Variants in SCAMP4 observed in about 807,000 individuals in gnomAD.
SCAMP4 encodes the protein secretory carrier-associated membrane protein 4.
Under a neutral mutation model 32.1 loss-of-function variants are expected in SCAMP4, and 19 were observed. The ratio of observed to expected loss-of-function variants is 0.59; its 90% CI spans 0.41 to 0.87. SCAMP4 has a LOEUF of 0.87. Ranked by LOEUF, SCAMP4 falls within the 40% of genes least tolerant of loss-of-function variation. The pLI is 0.00. For synonymous variants in SCAMP4, 152 were observed against 132.7 expected (o/e 1.15, Z -1.00); for missense variants, 302 against 309.0 (o/e 0.98, Z 0.17).
At chr19:1,922,317 C>T (rs919271023) in intron 5 of SCAMP4, 43 of 944,254 alleles carry the variant, frequency 4.6e-5, no homozygotes, top group African/African-American at 1.2e-4. Context: ...TGGAGAGCAA[C>T]GGCACGATCT....
At chr19:1,918,710 C>T (rs1332473732) in intron 4 of SCAMP4, 179 bp from the exon 5 acceptor site, 27 of 966,190 alleles carry the variant, frequency 2.8e-5, no homozygotes, top group Non-Finnish European at 3.8e-5. Flanking sequence ...TGCAGTGAGC[C>T]GAGATCTCGA....
chr19:1,911,912 T>C (rs2013470597), intron 1 of SCAMP4: 3 of 1,138,782 alleles, frequency 2.6e-6, no homozygotes, highest in African/African-American at 1.6e-5. Flanking sequence ...CATGAGGGAG[T>C]GTAGCTCTGA....
At chr19:1,922,537 C>T in intron 5 of SCAMP4, 1 of 985,514 alleles carries the variant, frequency 1.0e-6, no homozygotes. Flanking sequence ...GCCCGGCCTC[C>T]TCATTGTTTC....
Position 1,912,351 on chromosome 19 carries a change from A to G in SCAMP4, c.-41-2628A>G, listed in dbSNP as rs764870597. ...GGTGCGGCCCAGCCGCGATGCCGGCAGCCCCCACGCCCTGGAGATGCTGCT... is the reference window on the plus strand; with the variant it reads ...GGTGCGGCCCAGCCGCGATGCCGGCGGCCCCCACGCCCTGGAGATGCTGCT... On this transcript the variant is annotated intron_variant, in intron 1 of 6. Transcript: ENST00000316097. 9.8e-6 allele frequency: 15 copies of G among 1,530,596 alleles called. No homozygotes were observed. In the East Asian group the frequency reaches 3.9e-4, roughly 39 times the overall value. The allele number at this position is 1,530,596 out of a possible 1,614,324, so 94.8% of individuals were successfully genotyped here.
intron 1 of SCAMP4, chr19:1,913,146 A>G (rs769886333): frequency 7.8e-6 from 12 of 1,546,490 alleles, no homozygotes; most frequent in African/African-American, 4.1e-5. Context: ...GGACCCCGAC[A>G]CGTAGGCGCC....
Position 1,908,534 on chromosome 19 carries a change from G to C in SCAMP4, c.-42+3095G>C, listed in dbSNP as rs1222153808. The C allele has an allele frequency of 4.2e-6, 2 of 471,184 alleles. No homozygotes were observed. Among genetic ancestry groups the C allele is most frequent in the Non-Finnish European group, 8.8e-6 (2 of 227,054 alleles). 29.2% of individuals were successfully genotyped at this position (471,184 alleles called of 1,614,324 possible). A position where few individuals can be genotyped will look rare whatever the true frequency, so the allele number is the denominator to read the frequency against. Reference sequence around the variant, plus strand: ...CGGGGATGTGTAGTCCAGGCTGGCAGTTCAGGATCACCCGGCTGGAGTCAT... The same window carrying C: ...CGGGGATGTGTAGTCCAGGCTGGCACTTCAGGATCACCCGGCTGGAGTCAT... On this transcript the variant is annotated intron_variant, in intron 1 of 6. Coordinates refer to ENST00000316097, the MANE Select transcript of SCAMP4 (RefSeq NM_079834.4). The surrounding 1 kb of genome is among the most constrained non-coding windows in gnomAD (Gnocchi z 4.2).
intron 5 of SCAMP4, chr19:1,922,299 C>G: frequency 1.0e-6 from 1 of 967,854 alleles, no homozygotes; most frequent in African/African-American, 1.8e-5. Flanking sequence ...TTGCTCTGTC[C>G]CCCAGGCTGG....
chr19:1,913,021 G>GTGC, intron 1 of SCAMP4: 4 of 1,605,696 alleles, frequency 2.5e-6, no homozygotes, highest in Non-Finnish European at 3.4e-6. Flanking sequence ...GTCTTCTACG[G>GTGC]TGCGCCCTCG....
intron 2 of SCAMP4, chr19:1,915,289 T>G (rs2013694100): frequency 1.7e-6 from 1 of 575,942 alleles, no homozygotes; most frequent in South Asian, 2.0e-5. Context: ...CCATCACAGC[T>G]GCTCTTTCCT....
At chr19:1,920,768 C>G in intron 5 of SCAMP4, 1 of 985,576 alleles carries the variant, frequency 1.0e-6, no homozygotes, top group Non-Finnish European at 1.2e-6. Flanking sequence ...GAGCCGCCTC[C>G]CCGGTGCGTC....
intron 5 of SCAMP4, 188 bp downstream of exon 5, chr19:1,919,178 C>T (rs2013837765): frequency 1.7e-5 from 24 of 1,423,796 alleles, no homozygotes; most frequent in Non-Finnish European, 2.0e-5. Context: ...CGCCAGCACC[C>T]AGCCATGGTT....
chr19:1,919,406 A>T lies in SCAMP4; in HGVS notation c.395+416A>T, dbSNP rs942372252. On this transcript the variant is annotated intron_variant, in intron 5 of 6. Coordinates refer to ENST00000316097, the MANE Select transcript of SCAMP4 (RefSeq NM_079834.4). ...CACACATACCTGGTGCTGTTACCAC[A>T]CCTGAGAAACTCACAGTCACTCTCT... The T allele has an allele frequency of 4.1e-6, 4 of 984,594 alleles. No individual in the cohort carries two copies. In the African/African-American group the frequency reaches 5.3e-5, roughly 13 times the overall value. The allele number at this position is 984,594 out of a possible 1,614,324, so 61.0% of individuals were successfully genotyped here. A position where few individuals can be genotyped will look rare whatever the true frequency, so the allele number is the denominator to read the frequency against.
intron 1 of SCAMP4, chr19:1,912,571 C>T (rs1450691183): frequency 1.3e-6 from 2 of 1,497,784 alleles, no homozygotes; most frequent in South Asian, 1.2e-5. Context: ...GTGACCAGCG[C>T]CCTGGCTGGG....
chr19:1,905,890 G>A (rs1027964567), intron 1 of SCAMP4: 1 of 152,204 alleles, frequency 6.6e-6, no homozygotes, highest in Non-Finnish European at 1.5e-5. Context: ...CTAGGCCTTG[G>A]TACATCCCCA....
At position 1,923,196 on chromosome 19, in the gene SCAMP4, T is replaced by G. The variant is rs1191989546; in HGVS notation, c.513+9T>G. On this transcript the variant is annotated intron_variant, in intron 6 of 6. Coordinates refer to ENST00000316097, the MANE Select transcript of SCAMP4 (RefSeq NM_079834.4). ...CCATCGCGATCATGAAGGTGAGTCC[T>G]CGGCTTTGTGACGTCCAGCCCTTAC... 2.6e-6 allele frequency: 4 copies of G among 1,544,614 alleles called. No individual in the cohort carries two copies. In the East Asian group the frequency reaches 9.9e-5, roughly 38 times the overall value.
intron 5 of SCAMP4, chr19:1,920,157 A>C (rs532317351): frequency 1.0e-6 from 1 of 985,382 alleles, no homozygotes; most frequent in African/African-American, 1.7e-5. Context: ...AATAATTTGT[A>C]ATTCTCAGTT....
chr19:1,916,321 A>G (rs1170204875), intron 2 of SCAMP4, among the ~76,000 whole-genome samples: 2 of 152,094 alleles, frequency 1.3e-5, no homozygotes, highest in Non-Finnish European at 2.9e-5. Flanking sequence ...CCATGAGCCA[A>G]GGGCGCTGGG....
chr19:1,905,706 G>C (rs1004113421), intron 1 of SCAMP4: 1 of 153,224 alleles, frequency 6.5e-6, no homozygotes, highest in Non-Finnish European at 1.5e-5. Flanking sequence ...GCCTTTCTGC[G>C]CGTGTGCGCC....
Position 1,918,709 on chromosome 19 carries a change from C to T in SCAMP4, c.294-180C>T. ...CCCGGGAGGCAGAGGTTGCAGTGAG[C>T]CGAGATCTCGACACTGCTCTCCAGC... On this transcript the variant is annotated intron_variant, in intron 4 of 6. Transcript: ENST00000316097. 7.3e-6 allele frequency: 7 copies of T among 959,304 alleles called. No homozygotes were observed. In the South Asian group the frequency reaches 1.1e-4, roughly 15 times the overall value. The allele number at this position is 959,304 out of a possible 1,614,324, so 59.4% of individuals were successfully genotyped here.
Sources: gnomAD v4.1 joint callset for allele counts (sites outside exome capture counted in the v4.1 genomes callset) on GRCh38, gnomAD v4.1.1 for gene constraint, Gnocchi (gnomAD v3.1) non-coding constraint, MANE v1.5 for transcripts, NCBI Gene and HGNC (gene_info 2026-07-23, HGNC 2026-07-21) for gene names.